The following MKLN1 variants were observed in gnomAD, a reference collection of about 807,000 sequenced individuals.
MKLN1 encodes the protein muskelin 1, also known as muskelin.
Under a neutral mutation model 99.0 loss-of-function variants are expected in MKLN1, and 18 were observed. The observed-to-expected ratio is 0.18, with a 90% CI of 0.13 to 0.27. The LOEUF is 0.27. Ranked by LOEUF, MKLN1 falls within the 10% of genes least tolerant of loss-of-function variation. The pLI, the probability that MKLN1 is intolerant of heterozygous loss-of-function variation, is 1.00. For synonymous variants in MKLN1, 288 were observed against 293.2 expected (o/e 0.98, Z 0.18); for missense variants, 621 against 875.9 (o/e 0.71, Z 3.67).
At chr7:131,208,122 T>C (rs1246052843) in intron 3 of MKLN1, among the ~76,000 whole-genome samples, 3 of 152,160 alleles carry the variant, frequency 2.0e-5, no homozygotes, top group Admixed American at 6.5e-5. Context: ...GGAGAGGGCA[T>C]TTGATAACTG....
chr7:131,352,388 A>C lies in MKLN1; in HGVS notation c.99-23036A>C, dbSNP rs539626487. Reference sequence around the variant, plus strand: ...AGATACTTAATGTTACCAGATTGTCATTTCTTTTAGATCCTTCTAGGTGAT... The same window carrying C: ...AGATACTTAATGTTACCAGATTGTCCTTTCTTTTAGATCCTTCTAGGTGAT... On this transcript the variant is annotated intron_variant, in intron 1 of 17. Transcript: ENST00000352689. 1.1e-4 allele frequency among the ~76,000 whole-genome samples: 17 copies of C among 152,262 alleles called. 1 individual carries two copies. In the South Asian group the frequency reaches 3.5e-3, roughly 32 times the overall value.
chr7:131,179,775 C>T (rs1000788534), intron 2 of MKLN1, among the ~76,000 whole-genome samples: 4 of 152,074 alleles, frequency 2.6e-5, no homozygotes, highest in Non-Finnish European at 5.9e-5. Context: ...GGGGTTTCAC[C>T]GTGTTAGCCA....
intron 1 of MKLN1, among the ~76,000 whole-genome samples, chr7:131,338,821 A>G (rs1394642064): frequency 1.3e-5 from 2 of 152,230 alleles, no homozygotes; most frequent in Non-Finnish European, 2.9e-5. Flanking sequence ...CCCTTGAACA[A>G]CATGGATTTG....
At chr7:131,272,612 A>T (rs1797903064) in intron 3 of MKLN1, among the ~76,000 whole-genome samples, 1 of 152,194 alleles carries the variant, frequency 6.6e-6, no homozygotes, top group African/African-American at 2.4e-5. Context: ...GCTGATAAAG[A>T]CATACTTGAG....
chr7:131,248,282 T>G (rs1451340960), intron 3 of MKLN1, among the ~76,000 whole-genome samples: 1 of 150,390 alleles, frequency 6.6e-6, no homozygotes, highest in Non-Finnish European at 1.5e-5. Context: ...TGCCTCTAAT[T>G]GGTATTTGTT....
intron 6 of MKLN1, among the ~76,000 whole-genome samples, chr7:131,407,171 A>G (rs1181311905): frequency 6.6e-6 from 1 of 150,920 alleles, no homozygotes; most frequent in Non-Finnish European, 1.5e-5. Context: ...GATATTTTCA[A>G]TTTTTTCATT....
At chr7:131,318,807 C>T (rs1175798441) in intron 3 of MKLN1, among the ~76,000 whole-genome samples, 5 of 152,158 alleles carry the variant, frequency 3.3e-5, no homozygotes, top group Non-Finnish European at 7.3e-5. Flanking sequence ...TCAGAGAATA[C>T]TATAAACACC....
At chr7:131,454,320 G>A (rs1414772530) in intron 12 of MKLN1, among the ~76,000 whole-genome samples, 1 of 152,150 alleles carries the variant, frequency 6.6e-6, no homozygotes, top group African/African-American at 2.4e-5. Flanking sequence ...CATTCAAAGA[G>A]TTCAGTTTTT....
chr7:131,196,277 C>G (rs114475392), intron 2 of MKLN1, among the ~76,000 whole-genome samples: 1 of 152,094 alleles, frequency 6.6e-6, no homozygotes, highest in Non-Finnish European at 1.5e-5. Flanking sequence ...AATGTGGGTT[C>G]CTCTTTAGAA....
At chr7:131,270,430 A>C (rs906451793) in intron 3 of MKLN1, among the ~76,000 whole-genome samples, 1 of 152,218 alleles carries the variant, frequency 6.6e-6, no homozygotes, top group Non-Finnish European at 1.5e-5. Context: ...CATGTTGGCC[A>C]GGCTTGTCTC....
intron 2 of MKLN1, among the ~76,000 whole-genome samples, chr7:131,147,399 T>C (rs2116276076): frequency 6.6e-6 from 1 of 152,190 alleles, no homozygotes; most frequent in South Asian, 2.1e-4. Context: ...GTATGTTACT[T>C]GAGTTTATTC....
At chr7:131,332,849 G>A (rs1014479378) in intron 1 of MKLN1, among the ~76,000 whole-genome samples, 1 of 151,380 alleles carries the variant, frequency 6.6e-6, no homozygotes, top group East Asian at 1.9e-4. Context: ...CTGCAGCCTC[G>A]ACCTCCTGGG....
intron 5 of MKLN1, 143 bp from the exon 6 acceptor site, chr7:131,399,098 T>G: frequency 3.0e-6 from 2 of 670,434 alleles, no homozygotes; most frequent in Admixed American, 6.4e-5. Context: ...TAATGATACC[T>G]AATGAATCAG....
chr7:131,406,288 T>G (rs879403152), intron 6 of MKLN1, among the ~76,000 whole-genome samples: 11 of 151,704 alleles, frequency 7.3e-5, no homozygotes, highest in Non-Finnish European at 1.3e-4. Context: ...AAATTTTATT[T>G]AAATAAAGAA....
chr7:131,201,164 C>T (rs1460450367), intron 2 of MKLN1, among the ~76,000 whole-genome samples: 1 of 152,134 alleles, frequency 6.6e-6, no homozygotes, highest in Non-Finnish European at 1.5e-5. Flanking sequence ...GGATTACAGG[C>T]ACCCACCACC....
rs527802097 is a variant in MKLN1 at position 131,280,284 on chromosome 7, T to G, written c.-179+77310T>G. ...ATGAGCATTCACGTACAGGTTTCCA[T>G]GTGGACATACGTTTTCATTTCTCTT... On this transcript the variant is annotated intron_variant, in intron 3 of 7. Coordinates refer to the MKLN1 transcript ENST00000416992. 3.3e-5 allele frequency among the ~76,000 whole-genome samples: 5 copies of G among 152,242 alleles called. 1 individual carries two copies. The South Asian group carries it at 6.2e-4, about 19-fold the overall frequency.
At position 131,493,829 on chromosome 7, in the gene MKLN1, C is replaced by T. The variant is rs1797484068; in HGVS notation, c.*6101C>T. ...GCTCAGATATCTGAGCTGTCTGCCA[C>T]ACAAAGCCTGAGGAGATCATCATTC... On this transcript the variant is annotated 3_prime_UTR_variant, in exon 18 of 18. Coordinates refer to ENST00000352689, the MANE Select transcript of MKLN1 (RefSeq NM_013255.5). The T allele has an allele frequency of 6.6e-6, 1 of 152,142 alleles. No individual in the cohort carries two copies. The highest frequency in any genetic ancestry group is 2.1e-4 in the South Asian group (1 of 4,828). 9.4% of individuals were successfully genotyped at this position (152,142 alleles called of 1,614,324 possible).
intron 3 of MKLN1, among the ~76,000 whole-genome samples, chr7:131,211,606 T>G (rs1435334419): frequency 1.3e-5 from 2 of 151,946 alleles, no homozygotes; most frequent in South Asian, 2.1e-4. Flanking sequence ...CCTTGTGTTT[T>G]TTTTTTTTTA....
At chr7:131,186,652 C>G (rs927718857) in intron 2 of MKLN1, among the ~76,000 whole-genome samples, 1 of 152,162 alleles carries the variant, frequency 6.6e-6, no homozygotes, top group African/African-American at 2.4e-5. Flanking sequence ...TTGCCTAGCA[C>G]GCCAGTTGCA....
Sources: allele counts gnomAD v4.1 joint callset (sites outside exome capture counted in the v4.1 genomes callset), GRCh38; gene constraint gnomAD v4.1.1; transcripts MANE v1.5; gene names NCBI Gene and HGNC (gene_info 2026-07-23, HGNC 2026-07-21).